Variants in HSPA4L observed in about 807,000 individuals in gnomAD.
HSPA4L encodes the protein heat shock 70 kDa protein 4L.
HSPA4L carries 48 observed loss-of-function variants against 100.3 expected under a neutral mutation model. The ratio of observed to expected loss-of-function variants is 0.48; its 90% CI spans 0.38 to 0.61. HSPA4L has a LOEUF of 0.61. Ranked by LOEUF, HSPA4L falls within the 20% of genes least tolerant of loss-of-function variation. The pLI is 0.00. For missense variants in HSPA4L, 886 were observed against 988.6 expected (o/e 0.90, Z 1.39); for synonymous variants, 319 against 328.2 (o/e 0.97, Z 0.30).
chr4:127,800,921 A>G (rs774797853), intron 4 of HSPA4L, among the ~76,000 whole-genome samples: 5 of 152,222 alleles, frequency 3.3e-5, no homozygotes, highest in Admixed American at 1.3e-4. Flanking sequence ...CAACTCTGCC[A>G]TATTACCTTA....
intron 2 of HSPA4L, among the ~76,000 whole-genome samples, chr4:127,795,478 A>G (rs1315440971): frequency 1.3e-5 from 2 of 152,154 alleles, no homozygotes; most frequent in South Asian, 2.1e-4. Flanking sequence ...AGTTGTAGAT[A>G]TTTGTAATTT....
intron 9 of HSPA4L, 119 bp downstream of exon 9, chr4:127,805,343 A>C (rs1001976540): frequency 5.5e-6 from 4 of 732,564 alleles, no homozygotes; most frequent in Non-Finnish European, 8.5e-6. Context: ...AGTAAATTGA[A>C]GTTATTTCTG....
chr4:127,813,941 G>T (rs1038957949), intron 12 of HSPA4L, among the ~76,000 whole-genome samples: 2 of 152,050 alleles, frequency 1.3e-5, no homozygotes, highest in South Asian at 4.1e-4. Context: ...ACTGCGCCTG[G>T]CTCATTTATC....
chr4:127,809,390 T>C (rs1310500079), intron 11 of HSPA4L: 11 of 1,214,708 alleles, frequency 9.1e-6, no homozygotes, highest in East Asian at 4.7e-5. Flanking sequence ...AGCATGCTCA[T>C]GCACATTCAT....
chr4:127,801,310 C>A, intron 5 of HSPA4L, 73 bp downstream of exon 5: 1 of 1,145,442 alleles, frequency 8.7e-7, no homozygotes, highest in Non-Finnish European at 1.2e-6. Flanking sequence ...ATTAACAAAG[C>A]ATTATTTTTT....
intron 17 of HSPA4L, 66 bp from the exon 18 acceptor site, chr4:127,830,572 T>C (rs1301974161): frequency 7.7e-7 from 1 of 1,290,746 alleles, no homozygotes; most frequent in African/African-American, 1.5e-5. Context: ...AAAGTAGAAA[T>C]TACTAATAAA....
At chr4:127,792,402 T>C (rs1005602494) in intron 1 of HSPA4L, among the ~76,000 whole-genome samples, 31 of 152,216 alleles carry the variant, frequency 2.0e-4, no homozygotes, top group African/African-American at 7.2e-4. Flanking sequence ...AGCTTTATTA[T>C]GTCCTTGAAA....
At chr4:127,799,541 G>C (rs889406477) in intron 4 of HSPA4L, among the ~76,000 whole-genome samples, 2 of 152,146 alleles carry the variant, frequency 1.3e-5, no homozygotes, top group East Asian at 1.9e-4. Context: ...CTAATATAGT[G>C]TTAGAGCCAG....
chr4:127,833,264 G>C lies in HSPA4L; in HGVS notation c.*390G>C, dbSNP rs1463925926. ...ATAGATTTAATTGCATCTTTATTTT[G>C]AAAAACAAATGAAAATTGATGGGGT... On this transcript the variant is annotated 3_prime_UTR_variant, in exon 19 of 19. Transcript: ENST00000296464. 1 of 157,240 alleles carries C rather than the reference G, an allele frequency of 6.4e-6. No individual in the cohort carries two copies. Among genetic ancestry groups the C allele is most frequent in the African/African-American group, 2.4e-5 (1 of 41,654 alleles). The allele number at this position is 157,240 out of a possible 1,614,324, so 9.7% of individuals were successfully genotyped here.
At position 127,832,730 on chromosome 4, in the gene HSPA4L, A is replaced by G; in HGVS notation, c.2376A>G (p.Lys792=). The change falls in exon 19 of 19, where the codon AAA becomes AAG. Residue 792 remains lysine, a synonymous_variant. Coordinates refer to ENST00000296464, the MANE Select transcript of HSPA4L (RefSeq NM_014278.4). ...CNPIIYKPKP[K]AEVPEDKPKA... is the part of the protein sequence containing the mutation. The stretch of plus-strand genomic sequence containing the variant: ...CCATCATTTACAAGCCCAAACCAAA[A>G]GCAGAAGTTCCTGAAGACAAACCAA... 6.2e-7 allele frequency: 1 copy of G among 1,613,304 alleles called. No homozygotes were observed. Among genetic ancestry groups the G allele is most frequent in the South Asian group, 1.1e-5 (1 of 90,826 alleles).
chr4:127,827,383 A>G lies in HSPA4L; in HGVS notation c.2125A>G (p.Ile709Val). 1.2e-6 allele frequency: 2 copies of G among 1,613,786 alleles called. No individual in the cohort carries two copies. Among genetic ancestry groups the G allele is most frequent in the Non-Finnish European group, 1.7e-6 (2 of 1,179,740 alleles). Reference protein sequence around the residue: ...PKALNDLGKKIQLVMKVIEAY... With the variant: ...PKALNDLGKKVQLVMKVIEAY... ...AGCCTTAAATGACTTGGGAAAAAAG[A>G]TCCAACTTGTCATGAAAGTGATAGA... Residue 709 changes from isoleucine (I) to valine (V), a missense_variant, in exon 17 of 19, where the codon ATC becomes GTC. By Grantham distance (29) the Ile-to-Val change is conservative. Transcript: ENST00000296464.
chr4:127,830,048 C>A (rs957909355), intron 17 of HSPA4L, among the ~76,000 whole-genome samples: 1 of 152,004 alleles, frequency 6.6e-6, no homozygotes, highest in African/African-American at 2.4e-5. Flanking sequence ...CCTCCCACTT[C>A]TTTGACTTTG....
chr4:127,830,683 GA>G lies in HSPA4L; in HGVS notation c.2217del (p.Lys739AsnfsTer7). On this transcript the variant is annotated frameshift_variant, in exon 18 of 19. Coordinates refer to ENST00000296464, the MANE Select transcript of HSPA4L (RefSeq NM_014278.4). LOFTEE classifies it high-confidence loss of function. The part of the protein sequence containing the change: ...HLDPTEMEKV[E>X]KCISDAMSWL... ...GGATCCTACTGAAATGGAAAAGGTT[GA>G]AAAATGTATCAGTGATGCCATGAGT... The G allele has an allele frequency of 6.2e-7, 1 of 1,607,224 alleles. No homozygotes were observed. The highest frequency in any genetic ancestry group is 1.1e-5 in the South Asian group (1 of 89,788).
intron 12 of HSPA4L, among the ~76,000 whole-genome samples, chr4:127,815,150 AG>A (rs1358044857): frequency 1.3e-5 from 2 of 151,660 alleles, no homozygotes; most frequent in East Asian, 3.9e-4. Context: ...TTTTTCTATG[AG>A]GGTCAGTTTA....
At position 127,818,427 on chromosome 4, in the gene HSPA4L, T is replaced by A; in HGVS notation, c.1674+7T>A. On this transcript the variant is annotated splice_region_variant and intron_variant, in intron 13 of 18. Transcript: ENST00000296464. ...TACAGGAGCCAAAACAAAGGTTTGG[T>A]TTACTTTTTCTGTAGTTATGTCTTT... 1 of 1,569,448 alleles carries A rather than the reference T, an allele frequency of 6.4e-7. No homozygotes were observed. Among genetic ancestry groups the A allele is most frequent in the Non-Finnish European group, 8.7e-7 (1 of 1,147,958 alleles).
intron 16 of HSPA4L, among the ~76,000 whole-genome samples, chr4:127,826,252 TA>T (rs1733946927): frequency 1.3e-5 from 2 of 151,828 alleles, no homozygotes; most frequent in African/African-American, 2.4e-5. Context: ...TACAAAAAAA[TA>T]AATTAGCCAG....
At chr4:127,805,590 G>T in intron 9 of HSPA4L, 97 bp from the exon 10 acceptor site, 1 of 837,116 alleles carries the variant, frequency 1.2e-6, no homozygotes, top group Non-Finnish European at 1.8e-6. Context: ...AAATGTAACA[G>T]TTGTAATAGG....
intron 10 of HSPA4L, among the ~76,000 whole-genome samples, chr4:127,806,554 GC>G (rs1200437746): frequency 6.6e-6 from 1 of 151,770 alleles, no homozygotes; most frequent in Non-Finnish European, 1.5e-5. Flanking sequence ...AATTGAACAT[GC>G]CAATATTTTA....
intron 14 of HSPA4L, among the ~76,000 whole-genome samples, chr4:127,821,693 AC>A (rs928310361): frequency 2.0e-5 from 3 of 152,100 alleles, no homozygotes; most frequent in Non-Finnish European, 4.4e-5. Context: ...CAGTATCACA[AC>A]CACTATACCA....
Sources: allele counts gnomAD v4.1 joint callset (sites outside exome capture counted in the v4.1 genomes callset), GRCh38; gene constraint gnomAD v4.1.1; transcripts MANE v1.5; gene names NCBI Gene and HGNC (gene_info 2026-07-23, HGNC 2026-07-21).